Variants in CADM2 observed in about 807,000 individuals in gnomAD.
The protein encoded by CADM2 is cell adhesion molecule 2.
In CADM2, 12 loss-of-function variants were observed where a neutral mutation model predicts 49.8. The ratio of observed to expected loss-of-function variants is 0.24; its 90% CI spans 0.15 to 0.39. CADM2 has a LOEUF of 0.39. Ranked by LOEUF, CADM2 falls within the 10% of genes least tolerant of loss-of-function variation. The pLI, the probability that CADM2 is intolerant of heterozygous loss-of-function variation, is 1.00. For missense variants in CADM2, 378 were observed against 492.3 expected, an observed-to-expected ratio of 0.77 and a Z score of 2.20; for synonymous variants, 214 against 175.4, an observed-to-expected ratio of 1.22 and a Z score of -1.74.
chr3:85,755,874 A>G (rs1047247113), intron 2 of CADM2, among the ~76,000 whole-genome samples: 2 of 152,168 alleles, frequency 1.3e-5, no homozygotes, highest in Non-Finnish European at 2.9e-5. Context: ...AATCAGAACC[A>G]TATCAGATAT....
intron 1 of CADM2, among the ~76,000 whole-genome samples, chr3:85,175,610 T>C (rs1678613980): frequency 6.6e-6 from 1 of 152,062 alleles, no homozygotes; most frequent in Non-Finnish European, 1.5e-5. Flanking sequence ...GAATCATTCA[T>C]TGTTTAGTGA....
intron 1 of CADM2, among the ~76,000 whole-genome samples, chr3:85,160,341 T>C (rs1425200003): frequency 6.6e-6 from 1 of 152,194 alleles, no homozygotes; most frequent in Non-Finnish European, 1.5e-5. Flanking sequence ...TAATTCATTA[T>C]GGTACATATA....
At chr3:85,993,110 G>A (rs1728985984) in intron 8 of CADM2, 1 of 152,214 alleles carries the variant, frequency 6.6e-6, no homozygotes, top group Non-Finnish European at 1.5e-5. Flanking sequence ...AGGCCAAGGT[G>A]TGAGGATTGC....
intron 1 of CADM2, among the ~76,000 whole-genome samples, chr3:85,352,037 G>A (rs747164077): frequency 1.3e-5 from 2 of 152,052 alleles, no homozygotes; most frequent in Non-Finnish European, 2.9e-5. Context: ...TTGACTTTGA[G>A]TATTTCCTTA....
At position 85,413,152 on chromosome 3, in the gene CADM2, A is replaced by T. The variant is rs1481063061; in HGVS notation, c.62-313370A>T. On this transcript the variant is annotated intron_variant, in intron 1 of 9. Coordinates refer to ENST00000383699, the MANE Select transcript of CADM2 (RefSeq NM_001167675.2). ...AGACTCCGTCTCAAAAAAAAAAAAA[A>T]AAAAAAAAAAATAATAATAATAATA... Among the ~76,000 whole-genome samples the T allele has an allele frequency of 2.8e-5, 4 of 144,036 alleles. No individual in the cohort carries two copies. In the East Asian group the frequency reaches 8.0e-4, roughly 29 times the overall value. The allele number at this position is 144,036 out of a possible 152,430, so 94.5% of individuals were successfully genotyped here.
At chr3:85,335,730 C>T (rs2045063084) in intron 1 of CADM2, among the ~76,000 whole-genome samples, 1 of 151,402 alleles carries the variant, frequency 6.6e-6, no homozygotes. Context: ...ATTGTCTATT[C>T]ATATGTCTGC....
At chr3:85,034,789 G>GTTTTTT (rs2035137941) in intron 1 of CADM2, among the ~76,000 whole-genome samples, 2 of 99,366 alleles carry the variant, frequency 2.0e-5, no homozygotes, top group African/African-American at 9.1e-5. Context: ...AAGACATTTT[G>GTTTTTT]CTTTTTTTTT....
chr3:85,216,534 C>G (rs1230678323), intron 1 of CADM2, among the ~76,000 whole-genome samples: 1 of 151,546 alleles, frequency 6.6e-6, no homozygotes, highest in Non-Finnish European at 1.5e-5. Context: ...GAAGACATGC[C>G]CAGAAAGCCA....
intron 1 of CADM2, among the ~76,000 whole-genome samples, chr3:85,172,917 G>A (rs2040667249): frequency 7.0e-6 from 1 of 142,106 alleles, no homozygotes. Flanking sequence ...TATAATATAT[G>A]TAATAATATA....
intron 1 of CADM2, among the ~76,000 whole-genome samples, chr3:85,316,863 C>A (rs1201318182): frequency 6.6e-6 from 1 of 152,042 alleles, no homozygotes; most frequent in Non-Finnish European, 1.5e-5. Flanking sequence ...AAGAGAAACA[C>A]CCAGCTGTCA....
At chr3:85,421,532 A>G (rs998129125) in intron 1 of CADM2, among the ~76,000 whole-genome samples, 1 of 152,162 alleles carries the variant, frequency 6.6e-6, no homozygotes, top group Non-Finnish European at 1.5e-5. Flanking sequence ...GATTACTAAA[A>G]ATTATTCTTT....
chr3:85,454,086 G>A (rs940354043), intron 1 of CADM2, among the ~76,000 whole-genome samples: 20 of 152,142 alleles, frequency 1.3e-4, no homozygotes, highest in Admixed American at 7.2e-4. Context: ...TGGGCGTGGA[G>A]GCTCACGCCC....
intron 1 of CADM2, among the ~76,000 whole-genome samples, chr3:85,008,687 A>C (rs2033853359): frequency 6.6e-6 from 1 of 152,192 alleles, no homozygotes. Flanking sequence ...ACGGAATTAA[A>C]GAAAATTGAG....
chr3:85,129,907 T>C (rs2039167900), intron 1 of CADM2, among the ~76,000 whole-genome samples: 1 of 152,212 alleles, frequency 6.6e-6, no homozygotes, highest in South Asian at 2.1e-4. Flanking sequence ...ATTTCTTTAC[T>C]AGGAGATTTA....
chr3:85,914,700 T>C, intron 6 of CADM2, among the ~76,000 whole-genome samples: 1 of 152,140 alleles, frequency 6.6e-6, no homozygotes, highest in East Asian at 1.9e-4. Context: ...ACCACATTTA[T>C]GTAAGTTGCT....
intron 1 of CADM2, among the ~76,000 whole-genome samples, chr3:85,623,969 A>G (rs1266343784): frequency 6.6e-6 from 1 of 152,116 alleles, no homozygotes; most frequent in East Asian, 1.9e-4. Flanking sequence ...TTTCCTTGCT[A>G]CTTACAAGAG....
intron 1 of CADM2, among the ~76,000 whole-genome samples, chr3:85,204,848 G>C (rs2041594070): frequency 6.6e-6 from 1 of 151,414 alleles, no homozygotes; most frequent in Non-Finnish European, 1.5e-5. Context: ...AATGATATAG[G>C]GACATTTAAC....
intron 8 of CADM2, among the ~76,000 whole-genome samples, chr3:86,043,947 AC>A (rs1736296486): frequency 6.6e-6 from 1 of 152,198 alleles, no homozygotes; most frequent in Admixed American, 6.5e-5. Flanking sequence ...CCTGACGAAA[AC>A]AAGAAATGGG....
intron 1 of CADM2, among the ~76,000 whole-genome samples, chr3:85,249,652 A>G (rs2042729123): frequency 6.6e-6 from 1 of 151,962 alleles, no homozygotes; most frequent in Admixed American, 6.6e-5. Flanking sequence ...AAACTAAAAT[A>G]ATTTATTTCA....
Sources: gnomAD v4.1 joint callset for allele counts (sites outside exome capture counted in the v4.1 genomes callset) on GRCh38, gnomAD v4.1.1 for gene constraint, MANE v1.5 for transcripts, NCBI Gene and HGNC (gene_info 2026-07-23, HGNC 2026-07-21) for gene names.